Variants in NLRP12 observed in about 807,000 individuals in gnomAD.
NLRP12 encodes the protein NLR family pyrin domain containing 12.
NLRP12 carries 108 observed loss-of-function variants against 91.2 expected under a neutral mutation model. The ratio of observed to expected loss-of-function variants is 1.18; its 90% CI spans 1.01 to 1.39. The LOEUF is 1.39. NLRP12 is among the 40% of genes most tolerant of loss of function. The probability of loss-of-function intolerance (pLI) is 0.00; values close to 1 mark genes in which losing one functional copy is unlikely to be tolerated. For missense variants in NLRP12, 1,530 were observed against 1,352.7 expected (o/e 1.13, Z -2.06); for synonymous variants, 613 against 566.7 (o/e 1.08, Z -1.16).
At position 53,819,457 on chromosome 19, in the gene NLRP12, A is replaced by ATATGTGTGTG. The variant is rs2092220405; in HGVS notation, c.289+4428_289+4429insCACACACATA. ...TATATATATATATATATATATATATATGTGTGTGTGTGTGTGTGTGTGTGT... is the reference window on the plus strand; with the variant it reads ...TATATATATATATATATATATATATATATGTGTGTGTGTGTGTGTGTGTGTGTGTGTGTGT... On this transcript the variant is annotated intron_variant, in intron 1 of 9. Coordinates refer to ENST00000324134, the MANE Select transcript of NLRP12 (RefSeq NM_144687.4). 4.3e-4 allele frequency among the ~76,000 whole-genome samples: 2 copies of ATATGTGTGTG among 4,600 alleles called. 1 individual carries two copies. The highest frequency in any genetic ancestry group is 0.015 in the East Asian group (2 of 130). The allele number at this position is 4,600 out of a possible 152,430, so 3.0% of individuals were successfully genotyped here.
Position 53,810,228 on chromosome 19 carries a change from CTCAAATAGGATTTTCTGATT to C in NLRP12, c.1411_1430del (p.Asn471GlyfsTer30). 1 of 1,614,168 alleles carries C rather than the reference CTCAAATAGGATTTTCTGATT, an allele frequency of 6.2e-7. No individual in the cohort carries two copies. The highest frequency in any genetic ancestry group is 8.5e-7 in the Non-Finnish European group (1 of 1,180,032). On this transcript the variant is annotated frameshift_variant, in exon 3 of 10. Transcript: ENST00000324134. LOFTEE classifies it high-confidence loss of function. The stretch of plus-strand genomic sequence containing the variant: ...GGCCGTGCTTCCGGAGGTCCTGCTC[CTCAAATAGGATTTTCTGATT>C]CCAGAGCCCATCTGCCGCCAAGGAG...
At chr19:53,803,868 C>T (rs2091912394) in intron 6 of NLRP12, 84 bp downstream of exon 6, 2 of 1,410,158 alleles carry the variant, frequency 1.4e-6, no homozygotes, top group Non-Finnish European at 2.0e-6. Flanking sequence ...GCCACTGCGC[C>T]CGACCTGTGG....
In NLRP12 at chr19:53,811,289, C is replaced by A; in HGVS notation, c.371-1G>T. 6.2e-7 allele frequency: 1 copy of A among 1,613,692 alleles called. No homozygotes were observed. Among genetic ancestry groups the A allele is most frequent in the Middle Eastern group, 1.7e-4 (1 of 6,060 alleles). ...TAGTCCCTGTAGGTTTCCTGGGGATCTAGGGGAGAGGAATGAAGGTTTTGT... is the reference window on the plus strand; with the variant it reads ...TAGTCCCTGTAGGTTTCCTGGGGATATAGGGGAGAGGAATGAAGGTTTTGT... On this transcript the variant is annotated splice_acceptor_variant, in intron 2 of 9. Transcript: ENST00000324134. LOFTEE classifies it high-confidence loss of function.
At position 53,805,299 on chromosome 19, in the gene NLRP12, A is replaced by G; in HGVS notation, c.2395T>C (p.Cys799Arg). 1 of 1,614,020 alleles carries G rather than the reference A, an allele frequency of 6.2e-7. No individual in the cohort carries two copies. Among genetic ancestry groups the G allele is most frequent in the South Asian group, 1.1e-5 (1 of 91,088 alleles). The change falls in exon 5 of 10, where the codon TGC becomes CGC. Residue 799 changes from cysteine to arginine, a missense_variant. Physicochemically the swap from Cys to Arg is radical, Grantham distance 180. Coordinates refer to ENST00000324134, the MANE Select transcript of NLRP12 (RefSeq NM_144687.4). Reference protein sequence around the residue: ...LLCEGLRHPQCRLQMIQLRKC... With the variant: ...LLCEGLRHPQRRLQMIQLRKC... ...ACTCACTGAATCATCTGCAGCCTGC[A>G]CTGGGGATGCCGCAGGCCCTCGCAA...
At chr19:53,797,971 G>T (rs927932973) in intron 8 of NLRP12, among the ~76,000 whole-genome samples, 1 of 152,112 alleles carries the variant, frequency 6.6e-6, no homozygotes, top group Non-Finnish European at 1.5e-5. Context: ...CTGACCTCAG[G>T]TGATCCACCC....
Position 53,810,422 on chromosome 19 carries a change from A to G in NLRP12, c.1237T>C (p.Cys413Arg), listed in dbSNP as rs2092048393. The change falls in exon 3 of 10, where the codon TGC (cysteine) becomes CGC (arginine). Residue 413 changes from cysteine to arginine, a missense_variant. Physicochemically the swap from Cys to Arg is radical, Grantham distance 180 (BLOSUM62 -3). Coordinates refer to ENST00000324134, the MANE Select transcript of NLRP12 (RefSeq NM_144687.4). ...VPLVCWVVCTCLQQQLEGGGL... is the reference protein window; with the variant it reads ...VPLVCWVVCTRLQQQLEGGGL... ...CCACCCTCCAGCTGCTGCTGGAGGCAGGTACACACCACCCAGCACACCAGG... is the reference window on the plus strand; with the variant it reads ...CCACCCTCCAGCTGCTGCTGGAGGCGGGTACACACCACCCAGCACACCAGG... The G allele has an allele frequency of 4.3e-6, 7 of 1,613,862 alleles. No homozygotes were observed. The East Asian group carries it at 1.6e-4, about 36-fold the overall frequency.
intron 1 of NLRP12, among the ~76,000 whole-genome samples, chr19:53,823,424 A>ATATTTTT (rs2092292888): frequency 2.4e-4 from 1 of 4,106 alleles, no homozygotes; most frequent in Non-Finnish European, 9.5e-4. Context: ...TGTTTTAAAT[A>ATATTTTT]TATATATTTA....
chr19:53,819,626 C>CTTACATATGTATGTATACGTATATATAT (rs10655031), intron 1 of NLRP12, among the ~76,000 whole-genome samples: 1 of 41,564 alleles, frequency 2.4e-5, no homozygotes, highest in Non-Finnish European at 5.4e-5. Flanking sequence ...TACGTATATA[C>CTTACATATGTATGTATACGTATATATAT]GCGTATATAT....
chr19:53,806,582 G>A (rs1001460670), intron 4 of NLRP12, among the ~76,000 whole-genome samples: 10 of 149,412 alleles, frequency 6.7e-5, no homozygotes, highest in African/African-American at 2.2e-4. Context: ...TCAGGAGGCC[G>A]AGGCAGGAGA....
At chr19:53,808,084 G>A (rs921026622) in intron 3 of NLRP12, 3 of 350,032 alleles carry the variant, frequency 8.6e-6, no homozygotes, top group Non-Finnish European at 1.7e-5. Flanking sequence ...TTTTTTAGAG[G>A]GCCTTGCCCT....
intron 1 of NLRP12, among the ~76,000 whole-genome samples, chr19:53,815,836 T>G (rs1307185939): frequency 1.1e-4 from 17 of 151,700 alleles, no homozygotes; most frequent in Admixed American, 1.1e-3. Flanking sequence ...GGTCTTGAAC[T>G]CCTGACCTCG....
At chr19:53,798,025 G>A (rs763463103) in intron 8 of NLRP12, among the ~76,000 whole-genome samples, 15 of 152,332 alleles carry the variant, frequency 9.8e-5, no homozygotes, top group South Asian at 8.3e-4. Context: ...ATGCGCCATC[G>A]CGCCTGGCCT....
chr19:53,798,140 T>G lies in NLRP12; in HGVS notation c.2927+103A>C, dbSNP rs934756261. On this transcript the variant is annotated intron_variant, in intron 8 of 9. Coordinates refer to ENST00000324134, the MANE Select transcript of NLRP12 (RefSeq NM_144687.4). ...CTCTCTTCTTGCTACCTGAATCTTT[T>G]GTAGTGAAGCAGGATAGTTCATAAA... The G allele has an allele frequency of 5.6e-6, 7 of 1,249,682 alleles. No individual in the cohort carries two copies. The East Asian group carries it at 1.4e-4, about 25-fold the overall frequency. The allele number at this position is 1,249,682 out of a possible 1,614,324, so 77.4% of individuals were successfully genotyped here.
At position 53,824,065 on chromosome 19, in the gene NLRP12, T is replaced by C. The variant is rs200568545; in HGVS notation, c.110A>G (p.Glu37Gly). 1.6e-5 allele frequency: 26 copies of C among 1,614,122 alleles called. No homozygotes were observed. The highest frequency in any genetic ancestry group is 2.7e-5 in the African/African-American group (2 of 75,024). ...KFKLYLGTATELGEGKIPWGS... is the reference protein window; with the variant it reads ...KFKLYLGTATGLGEGKIPWGS... ...CCAGGGGATCTTGCCTTCTCCCAGC[T>C]CTGTCGCGGTCCCCAGGTATAACTT... Residue 37 changes from glutamate to glycine, a missense_variant, in exon 1 of 10, where the codon GAG (glutamate) becomes GGG (glycine). Glu to Gly is a moderately conservative substitution (Grantham distance 98). Transcript: ENST00000324134.
chr19:53,796,152 C>T (rs772127395), intron 8 of NLRP12, 123 bp from the exon 9 acceptor site: 6 of 895,960 alleles, frequency 6.7e-6, no homozygotes, highest in East Asian at 5.2e-5. Context: ...CTGCAACCTC[C>T]GCCTCCCAGG....
At chr19:53,813,282 TTTTTTTTTTTTCTTTTC>T (rs1400352186) in intron 2 of NLRP12, among the ~76,000 whole-genome samples, 11 of 97,654 alleles carry the variant, frequency 1.1e-4, no homozygotes, top group African/African-American at 3.7e-4. Flanking sequence ...ACTGCTATTC[TTTTTTTTTTTTCTTTTC>T]TTTTTTTTTT....
At chr19:53,800,546 G>A (rs2091850634) in intron 7 of NLRP12, among the ~76,000 whole-genome samples, 1 of 151,574 alleles carries the variant, frequency 6.6e-6, no homozygotes, top group Non-Finnish European at 1.5e-5. Context: ...CAGGGAATAA[G>A]AATTGCTTGT....
chr19:53,808,346 G>T (rs959122412), intron 3 of NLRP12: 1 of 167,244 alleles, frequency 6.0e-6, no homozygotes, highest in African/African-American at 2.4e-5. Context: ...ATCTGTCTCC[G>T]TTCTCATTAG....
Position 53,795,907 on chromosome 19 carries a change from A to C in NLRP12, c.3050T>G (p.Leu1017Arg). The change falls in exon 9 of 10, where the codon CTG becomes CGG. Residue 1017 changes from leucine to arginine, a missense_variant. Physicochemically the swap from Leu to Arg is moderately radical, Grantham distance 102. Transcript: ENST00000324134. ...NNALGDTGVR[L>R]LCKRLSHPGC... is the part of the protein sequence containing the mutation. ...AGGATGGCTCAGCCGCTTGCAAAGCAGTCGGACACCTGTGTCCCCTAGGGC... is the reference window on the plus strand; with the variant it reads ...AGGATGGCTCAGCCGCTTGCAAAGCCGTCGGACACCTGTGTCCCCTAGGGC... 6.2e-7 allele frequency: 1 copy of C among 1,614,184 alleles called. No individual in the cohort carries two copies. Among genetic ancestry groups the C allele is most frequent in the Non-Finnish European group, 8.5e-7 (1 of 1,180,032 alleles).
Sources: gnomAD v4.1 joint callset for allele counts (sites outside exome capture counted in the v4.1 genomes callset) on GRCh38, gnomAD v4.1.1 for gene constraint, MANE v1.5 for transcripts, NCBI Gene and HGNC (gene_info 2026-07-23, HGNC 2026-07-21) for gene names.